RGSL1: variants seen among roughly 807,000 people sequenced by gnomAD.
RGSL1 encodes regulator of G protein signaling like 1.
A neutral mutation model predicts 124.7 loss-of-function variants in RGSL1; 97 were observed. That is an observed-to-expected ratio of 0.78 (90% confidence interval 0.66 to 0.92). RGSL1 has a LOEUF of 0.92. Among genes scored for constraint, RGSL1 ranks in the 40% least tolerant of loss-of-function variants. The probability of loss-of-function intolerance (pLI) is 0.00; values close to 1 mark genes in which losing one functional copy is unlikely to be tolerated. For missense variants in RGSL1, 1,233 were observed against 1,288.4 expected (o/e 0.96, Z 0.66); for synonymous variants, 424 against 438.1 (o/e 0.97, Z 0.40).
At chr1:182,542,451 G>A (rs1659954747) in intron 15 of RGSL1, among the ~76,000 whole-genome samples, 2 of 152,158 alleles carry the variant, frequency 1.3e-5, no homozygotes, top group African/African-American at 4.8e-5. Context: ...GCACCATGCT[G>A]ATTTCGTTAC....
intron 3 of RGSL1, among the ~76,000 whole-genome samples, chr1:182,459,713 A>AT (rs749183240): frequency 4.6e-5 from 7 of 152,154 alleles, no homozygotes; most frequent in African/African-American, 7.2e-5. Context: ...CGAGACTTAG[A>AT]TTTTTTCTTT....
At chr1:182,551,452 C>T (rs886530949) in intron 18 of RGSL1, among the ~76,000 whole-genome samples, 3 of 152,184 alleles carry the variant, frequency 2.0e-5, no homozygotes, top group Non-Finnish European at 4.4e-5. Context: ...CTGTGCATGC[C>T]GGTCACAGTC....
At chr1:182,470,482 C>A (rs1653741993) in intron 4 of RGSL1, among the ~76,000 whole-genome samples, 1 of 152,124 alleles carries the variant, frequency 6.6e-6, no homozygotes, top group Non-Finnish European at 1.5e-5. Flanking sequence ...TTCCTCTACC[C>A]AGAATGCTCT....
At chr1:182,451,657 G>A (rs1037648575) in intron 1 of RGSL1, among the ~76,000 whole-genome samples, 32 of 120,470 alleles carry the variant, frequency 2.7e-4, no homozygotes, top group Middle Eastern at 4.0e-3. Context: ...AAGCCAGATG[G>A]GGTAAAGCCT....
intron 9 of RGSL1, among the ~76,000 whole-genome samples, chr1:182,513,205 C>T (rs1016109776): frequency 1.3e-5 from 2 of 152,184 alleles, no homozygotes; most frequent in Admixed American, 6.5e-5. Flanking sequence ...AGAATATGGA[C>T]GATGACCAAC....
intron 10 of RGSL1, among the ~76,000 whole-genome samples, chr1:182,522,360 G>A (rs971487107): frequency 4.6e-5 from 7 of 152,150 alleles, no homozygotes; most frequent in Non-Finnish European, 5.9e-5. Context: ...ATGTCTGTAT[G>A]TGCAGATCTA....
In RGSL1 at chr1:182,456,994, A is replaced by C. The variant is rs569145139; in HGVS notation, c.97-1325A>C. On this transcript the variant is annotated intron_variant, in intron 2 of 21. Coordinates refer to ENST00000294854, the MANE Select transcript of RGSL1 (RefSeq NM_001137669.2). ...AAACCCCATCTCTACTGAAAATATA[A>C]AAATTAGCTAGGTATGGTGGCGCAT... Among the ~76,000 whole-genome samples, 233 of 152,268 alleles carry C rather than the reference A, an allele frequency of 1.5e-3. 2 individuals carry two copies. The highest frequency in any genetic ancestry group is 5.4e-3 in the African/African-American group (223 of 41,532).
intron 4 of RGSL1, chr1:182,471,486 T>C (rs896631635): frequency 2.6e-6 from 1 of 388,344 alleles, no homozygotes; most frequent in African/African-American, 2.1e-5. Context: ...GTGTTGAATA[T>C]AAACATGTTT....
chr1:182,496,393 A>G (rs951988884), intron 9 of RGSL1, among the ~76,000 whole-genome samples: 2 of 152,190 alleles, frequency 1.3e-5, no homozygotes, highest in Non-Finnish European at 2.9e-5. Flanking sequence ...TCGGATGGGT[A>G]GGTCTGTCTG....
intron 6 of RGSL1, among the ~76,000 whole-genome samples, chr1:182,476,104 AG>A: frequency 6.6e-6 from 1 of 152,286 alleles, no homozygotes; most frequent in African/African-American, 2.4e-5. Context: ...ATAATTATCC[AG>A]GGTTGTACAG....
At chr1:182,464,903 A>T (rs1455526096) in intron 4 of RGSL1, among the ~76,000 whole-genome samples, 15 of 152,040 alleles carry the variant, frequency 9.9e-5, no homozygotes, top group African/African-American at 3.6e-4. Flanking sequence ...CCTGGGCAAC[A>T]TAATGAGACC....
Position 182,530,306 on chromosome 1 carries a change from AC to A in RGSL1, c.2189del (p.Thr730LysfsTer5). The A allele has an allele frequency of 6.4e-7, 1 of 1,551,116 alleles. No homozygotes were observed. Reference sequence around the variant, plus strand: ...AATCGCTTCCATGCGTCATGTCACCACAAGCACACTGTTAACGCTCCAGGGA... The same window carrying A: ...AATCGCTTCCATGCGTCATGTCACCAAAGCACACTGTTAACGCTCCAGGGA... ...KEIASMRHVTTSTLLTLQGHV... is the reference protein window; with the variant it reads ...KEIASMRHVTXSTLLTLQGHV... On this transcript the variant is annotated frameshift_variant, in exon 12 of 22. Transcript: ENST00000294854. LOFTEE classifies it high-confidence loss of function.
At chr1:182,506,236 G>A (rs1656795824) in intron 9 of RGSL1, among the ~76,000 whole-genome samples, 1 of 152,106 alleles carries the variant, frequency 6.6e-6, no homozygotes, top group African/African-American at 2.4e-5. Flanking sequence ...ATATTTAAAT[G>A]TCTATAAGAC....
chr1:182,487,256 T>C (rs920164629), intron 6 of RGSL1, among the ~76,000 whole-genome samples: 150 of 152,282 alleles, frequency 9.9e-4, no homozygotes, highest in African/African-American at 3.5e-3. Context: ...GGAGATAATC[T>C]TACATTCTTA....
intron 9 of RGSL1, among the ~76,000 whole-genome samples, chr1:182,501,874 G>C (rs988228039): frequency 2.0e-5 from 3 of 152,100 alleles, no homozygotes; most frequent in African/African-American, 7.2e-5. Flanking sequence ...AAGTCATCAG[G>C]TCCTGAGCTT....
chr1:182,475,888 A>G (rs1304764826), intron 6 of RGSL1, among the ~76,000 whole-genome samples: 1 of 152,250 alleles, frequency 6.6e-6, no homozygotes, highest in African/African-American at 2.4e-5. Context: ...TGTAAAGCAC[A>G]TTCACACACA....
At chr1:182,515,932 G>T (rs488555) in intron 9 of RGSL1, among the ~76,000 whole-genome samples, 1 of 152,184 alleles carries the variant, frequency 6.6e-6, no homozygotes, top group South Asian at 2.1e-4. Context: ...CCAAATGCTC[G>T]TTCTATTTAA....
chr1:182,523,868 A>G (rs986855291), intron 10 of RGSL1, among the ~76,000 whole-genome samples: 2 of 152,190 alleles, frequency 1.3e-5, no homozygotes, highest in African/African-American at 4.8e-5. Flanking sequence ...GCTAATTACT[A>G]TGGGAGTGAA....
chr1:182,548,909 C>T, intron 17 of RGSL1, 85 bp downstream of exon 17: 1 of 1,483,880 alleles, frequency 6.7e-7, no homozygotes, highest in Non-Finnish European at 9.0e-7. Flanking sequence ...CTCTAGCACT[C>T]TGTTTCGTAG....
Sources: allele counts gnomAD v4.1 joint callset (sites outside exome capture counted in the v4.1 genomes callset), GRCh38; gene constraint gnomAD v4.1.1; transcripts MANE v1.5; gene names NCBI Gene and HGNC (gene_info 2026-07-23, HGNC 2026-07-21).